UNC13B: variants seen among roughly 807,000 people sequenced by gnomAD.
UNC13B encodes the protein unc-13 homolog B.
UNC13B carries 144 observed loss-of-function variants against 211.0 expected under a neutral mutation model. The observed-to-expected ratio is 0.68, with a 90% CI of 0.60 to 0.78. The LOEUF is 0.78. UNC13B is among the 30% of genes least tolerant of loss of function. The pLI, the probability that UNC13B is intolerant of heterozygous loss-of-function variation, is 0.00. For synonymous variants in UNC13B, 709 were observed against 725.8 expected, an observed-to-expected ratio of 0.98 and a Z score of 0.37; for missense variants, 1,777 against 2,002.0, an observed-to-expected ratio of 0.89 and a Z score of 2.14.
chr9:35,312,462 A>G (rs1830225327), intron 10 of UNC13B, among the ~76,000 whole-genome samples: 2 of 152,278 alleles, frequency 1.3e-5, no homozygotes, highest in East Asian at 1.9e-4. Flanking sequence ...GGCTCTCCAT[A>G]GACCTTAGAC....
intron 11 of UNC13B, chr9:35,353,544 A>G: frequency 1.6e-6 from 2 of 1,232,058 alleles, no homozygotes; most frequent in Non-Finnish European, 2.0e-6. Context: ...ACCCCTCAGG[A>G]TCCAAGCACC....
At chr9:35,364,631 C>T in intron 11 of UNC13B, 1 of 1,502,714 alleles carries the variant, frequency 6.7e-7, no homozygotes, top group Non-Finnish European at 8.9e-7. Flanking sequence ...TTCCCAAGCA[C>T]TGTATGTGTG....
chr9:35,315,054 A>C (rs539721126), intron 11 of UNC13B, among the ~76,000 whole-genome samples: 1 of 135,370 alleles, frequency 7.4e-6, no homozygotes, highest in African/African-American at 2.8e-5. Context: ...TTTAAAAAAA[A>C]TTTTTTTTTT....
intron 6 of UNC13B, among the ~76,000 whole-genome samples, chr9:35,249,588 A>G (rs557880497): frequency 6.6e-6 from 1 of 152,226 alleles, no homozygotes; most frequent in Admixed American, 6.5e-5. Flanking sequence ...TTGTCTGTAA[A>G]GTATTTTATT....
At chr9:35,267,765 T>A (rs978515512) in intron 7 of UNC13B, among the ~76,000 whole-genome samples, 3 of 151,912 alleles carry the variant, frequency 2.0e-5, no homozygotes, top group Non-Finnish European at 4.4e-5. Context: ...CTCCCTGGGG[T>A]CTTATGTGAG....
Position 35,397,278 on chromosome 9 carries a change from A to G in UNC13B, c.11644A>G (p.Ile3882Val), listed in dbSNP as rs1332258525. The G allele has an allele frequency of 1.2e-6, 2 of 1,614,046 alleles. No individual in the cohort carries two copies. Among genetic ancestry groups the G allele is most frequent in the Non-Finnish European group, 1.7e-6 (2 of 1,180,040 alleles). ...GAAGCTGGAATGCCCAGACCCCAGC[A>G]TCCTTGCCCACTACATGAGGAGGTT... ...IRKLECPDPS[I>V]LAHYMRRFAK... The change falls in exon 29 of 40, where the codon ATC (isoleucine) becomes GTC (valine). Residue 3882 changes from isoleucine (I) to valine (V), a missense_variant. Coordinates refer to ENST00000635942, the MANE Select transcript of UNC13B (RefSeq NM_001371189.2).
chr9:35,192,964 T>A (rs1822738699), intron 1 of UNC13B, among the ~76,000 whole-genome samples: 1 of 152,192 alleles, frequency 6.6e-6, no homozygotes, highest in Non-Finnish European at 1.5e-5. Flanking sequence ...CTGCGGTTTC[T>A]GGGTCCTGGC....
At chr9:35,203,755 G>T (rs918876509) in intron 1 of UNC13B, among the ~76,000 whole-genome samples, 3 of 152,180 alleles carry the variant, frequency 2.0e-5, no homozygotes, top group Admixed American at 6.5e-5. Flanking sequence ...CCTGAAACTG[G>T]AACTTATTTA....
At chr9:35,354,089 A>G (rs1485098895) in intron 11 of UNC13B, among the ~76,000 whole-genome samples, 1 of 152,138 alleles carries the variant, frequency 6.6e-6, no homozygotes, top group East Asian at 1.9e-4. Context: ...GTGGTGCTAT[A>G]CCTGTTCAAA....
intron 1 of UNC13B, among the ~76,000 whole-genome samples, chr9:35,226,535 A>G (rs1824852117): frequency 6.6e-6 from 1 of 152,178 alleles, no homozygotes; most frequent in Non-Finnish European, 1.5e-5. Context: ...AAAACCTCAG[A>G]AGTAGGGAAG....
At chr9:35,375,500 C>A (rs773038341) in intron 14 of UNC13B, among the ~76,000 whole-genome samples, 2 of 152,174 alleles carry the variant, frequency 1.3e-5, no homozygotes, top group Non-Finnish European at 2.9e-5. Flanking sequence ...GAACAAGGCT[C>A]GGATCCAGCA....
At chr9:35,334,147 G>A (rs557605016) in intron 11 of UNC13B, among the ~76,000 whole-genome samples, 2 of 152,142 alleles carry the variant, frequency 1.3e-5, no homozygotes, top group South Asian at 4.2e-4. Context: ...TATATTTTTA[G>A]TAGAGACAGG....
intron 11 of UNC13B, among the ~76,000 whole-genome samples, chr9:35,362,923 A>G (rs1032860290): frequency 6.6e-6 from 1 of 152,198 alleles, no homozygotes; most frequent in Admixed American, 6.5e-5. Flanking sequence ...TAGGTGCACT[A>G]GGATGGCCTT....
chr9:35,290,974 G>C (rs1202911117), intron 7 of UNC13B: 9 of 1,246,768 alleles, frequency 7.2e-6, no homozygotes, highest in Middle Eastern at 1.9e-4. Flanking sequence ...GTAAGGTAAG[G>C]CACATAATAA....
rs755863703 is a variant in UNC13B, at chr9:35,403,972, A to T, written c.12962A>T (p.Glu4321Val). The change falls in exon 40 of 40, where the codon GAG (glutamate) becomes GTG (valine). Residue 4321 changes from glutamate (E) to valine (V), a missense_variant. Coordinates refer to ENST00000635942, the MANE Select transcript of UNC13B (RefSeq NM_001371189.2). ...ATTTTATCTCAGAGGAGCAATGACG[A>T]GGTGGCCCGAGAATTTGTGAAACTC... ...LRILSQRSND[E>V]VAREFVKLKS... is the part of the protein sequence containing the mutation. The T allele has an allele frequency of 1.9e-6, 3 of 1,614,014 alleles. No homozygotes were observed. The South Asian group carries it at 3.3e-5, about 18-fold the overall frequency.
Position 35,398,289 on chromosome 9 carries a change from G to A in UNC13B, c.11832+1G>A. 3.1e-6 allele frequency: 5 copies of A among 1,613,796 alleles called. No individual in the cohort carries two copies. Among genetic ancestry groups the A allele is most frequent in the Non-Finnish European group, 4.2e-6 (5 of 1,179,822 alleles). On this transcript the variant is annotated splice_donor_variant, in intron 31 of 39. Transcript: ENST00000635942. LOFTEE classifies it high-confidence loss of function. ...GTTTGAGGCCATGGGAGGCAAGGAGGTAGGTCTTAGGGTTTGGGAGTCACT... is the reference window on the plus strand; with the variant it reads ...GTTTGAGGCCATGGGAGGCAAGGAGATAGGTCTTAGGGTTTGGGAGTCACT...
rs544500275 is a variant in UNC13B, at chr9:35,320,278, T to A, written c.9414+6289T>A. ...CCAGTAATGGGATTGCTGGGTTGAA[T>A]GCTAGCTCTGTTTTAATTAAAGTGG... On this transcript the variant is annotated intron_variant, in intron 11 of 39. Coordinates refer to ENST00000635942, the MANE Select transcript of UNC13B (RefSeq NM_001371189.2). 5.3e-5 allele frequency among the ~76,000 whole-genome samples: 8 copies of A among 152,332 alleles called. No homozygotes were observed. The East Asian group carries it at 1.5e-3, about 29-fold the overall frequency.
chr9:35,342,423 C>A, intron 11 of UNC13B: 2 of 930,154 alleles, frequency 2.2e-6, no homozygotes, highest in African/African-American at 3.6e-5. Flanking sequence ...GAATATGGAG[C>A]AGCTACATTA....
At chr9:35,244,690 GTC>G (rs369385771) in intron 6 of UNC13B, among the ~76,000 whole-genome samples, 30 of 152,212 alleles carry the variant, frequency 2.0e-4, no homozygotes, top group African/African-American at 6.0e-4. Flanking sequence ...GTCTCTGTGT[GTC>G]TGTGTCTAAA....
Sources: allele counts gnomAD v4.1 joint callset (sites outside exome capture counted in the v4.1 genomes callset), GRCh38; gene constraint gnomAD v4.1.1; transcripts MANE v1.5; gene names NCBI Gene and HGNC (gene_info 2026-07-23, HGNC 2026-07-21).